RFC3: variants seen among roughly 807,000 people sequenced by gnomAD.
RFC3 encodes the protein replication factor C subunit 3.
Under a neutral mutation model 45.1 loss-of-function variants are expected in RFC3, and 41 were observed. The observed-to-expected ratio is 0.91, with a 90% confidence interval of 0.71 to 1.18. RFC3 has a LOEUF of 1.18. RFC3 is among the 50% of genes most tolerant of loss of function. The probability of loss-of-function intolerance (pLI) is 0.00; values close to 1 mark genes in which losing one functional copy is unlikely to be tolerated. For missense variants in RFC3, 423 were observed against 428.1 expected, an observed-to-expected ratio of 0.99 and a Z score of 0.10; for synonymous variants, 149 against 144.0, an observed-to-expected ratio of 1.03 and a Z score of -0.25.
At chr13:33,929,065 A>G (rs2082835375) in intron 8 of RFC3, among the ~76,000 whole-genome samples, 2 of 152,140 alleles carry the variant, frequency 1.3e-5, no homozygotes, top group Non-Finnish European at 2.9e-5. Context: ...GAAACCATAG[A>G]TTAAAAGGAT....
chr13:33,850,087 C>G (rs1244430930), intron 8 of RFC3: 1 of 152,100 alleles, frequency 6.6e-6, no homozygotes, highest in African/African-American at 2.4e-5. Flanking sequence ...AAAACATTAA[C>G]TTCTTGATTT....
At chr13:33,905,441 C>T (rs941123954) in intron 8 of RFC3, among the ~76,000 whole-genome samples, 7 of 151,528 alleles carry the variant, frequency 4.6e-5, no homozygotes, top group Non-Finnish European at 1.0e-4. Context: ...TTCTTGCATG[C>T]ATGAGTGTCA....
chr13:33,828,593 G>A (rs1282353940), intron 4 of RFC3, among the ~76,000 whole-genome samples: 1 of 152,150 alleles, frequency 6.6e-6, no homozygotes, highest in Non-Finnish European at 1.5e-5. Flanking sequence ...GGAGTGCAGC[G>A]GTGCCATCAG....
chr13:33,928,389 C>T (rs2082829391), intron 8 of RFC3, among the ~76,000 whole-genome samples: 1 of 152,074 alleles, frequency 6.6e-6, no homozygotes. Flanking sequence ...CTAAATTTTC[C>T]AATCAAGTTG....
rs74502978 is a variant in RFC3, at chr13:33,883,903, T to G, written c.879+48686T>G. On this transcript the variant is annotated intron_variant, in intron 8 of 8. Transcript: ENST00000434425. ...TCCACATGACACACGTTTACGTATG[T>G]AACAAACCCGCACTTGTACCCCTGA... Among the ~76,000 whole-genome samples the G allele has an allele frequency of 5.3e-5, 8 of 152,120 alleles. No homozygotes were observed. The East Asian group carries it at 1.2e-3, about 22-fold the overall frequency.
chr13:33,826,939 G>A (rs1371115223), intron 4 of RFC3, among the ~76,000 whole-genome samples: 2 of 152,088 alleles, frequency 1.3e-5, no homozygotes, highest in Admixed American at 1.3e-4. Flanking sequence ...ATAATTAATT[G>A]CTGGATTTTG....
chr13:33,933,223 A>G (rs957315572), intron 8 of RFC3, among the ~76,000 whole-genome samples: 2 of 152,094 alleles, frequency 1.3e-5, no homozygotes, highest in African/African-American at 4.8e-5. Context: ...GATGCAGAAT[A>G]TGGACCTCAG....
intron 8 of RFC3, among the ~76,000 whole-genome samples, chr13:33,959,743 T>C (rs1303919466): frequency 6.6e-6 from 1 of 152,158 alleles, no homozygotes; most frequent in Non-Finnish European, 1.5e-5. Flanking sequence ...GCTTTATACC[T>C]TGCACCCATT....
At position 33,836,900 on chromosome 13, in the gene RFC3, G is replaced by GT. The variant is rs2082159960; in HGVS notation, c.*606dup. 1.0e-6 allele frequency: 1 copy of GT among 984,480 alleles called. No individual in the cohort carries two copies. Among genetic ancestry groups the GT allele is most frequent in the Non-Finnish European group, 1.2e-6 (1 of 829,260 alleles). The allele number at this position is 984,480 out of a possible 1,614,324, so 61.0% of individuals were successfully genotyped here. A position where few individuals can be genotyped will look rare whatever the true frequency, so the allele number is the denominator to read the frequency against. ...AATAAGCATGTTTTCACTAATTTAA[G>GT]TACTTGAGACTCTTGAAGAAAATTC... On this transcript the variant is annotated 3_prime_UTR_variant, in exon 9 of 9. Transcript: ENST00000380071.
chr13:33,969,089 A>G (rs2083100345), downstream of RFC3, among the ~76,000 whole-genome samples: 1 of 152,228 alleles, frequency 6.6e-6, no homozygotes, highest in Non-Finnish European at 1.5e-5. Context: ...AACAAATGAG[A>G]TCTGACAAGT....
chr13:33,860,718 C>T (rs890683368), intron 8 of RFC3, among the ~76,000 whole-genome samples: 1 of 152,154 alleles, frequency 6.6e-6, no homozygotes, highest in Admixed American at 6.5e-5. Flanking sequence ...CAGCATGAGT[C>T]CCTGTCATGA....
intron 8 of RFC3, among the ~76,000 whole-genome samples, chr13:33,925,158 A>G (rs1268507355): frequency 4.1e-5 from 6 of 146,056 alleles, no homozygotes; most frequent in African/African-American, 1.5e-4. Context: ...ATATACATAC[A>G]CATATAGTGT....
downstream of RFC3, among the ~76,000 whole-genome samples, chr13:33,966,783 G>A (rs937801850): frequency 2.0e-5 from 3 of 152,160 alleles, no homozygotes; most frequent in African/African-American, 7.2e-5. Context: ...TTCTATAGCA[G>A]CAAGGATACA....
chr13:33,867,843 G>A (rs994808665), intron 8 of RFC3, among the ~76,000 whole-genome samples: 1 of 152,112 alleles, frequency 6.6e-6, no homozygotes, highest in East Asian at 1.9e-4. Context: ...TCTTTACCAC[G>A]TTATGTATAC....
chr13:33,859,507 T>C lies in RFC3; in HGVS notation c.879+24290T>C, dbSNP rs756256900. ...AGAGAACAGTATATAAAAGTGACTA[T>C]GTATAGAGATGACAAGTTTAGAAGT... is the stretch of plus-strand genomic sequence containing the variant. On this transcript the variant is annotated intron_variant, in intron 8 of 8. Coordinates refer to the RFC3 transcript ENST00000434425. Among the ~76,000 whole-genome samples, 96 of 152,122 alleles carry C rather than the reference T, an allele frequency of 6.3e-4. 1 individual carries two copies. Among genetic ancestry groups the C allele is most frequent in the Admixed American group, 3.3e-4 (5 of 15,232 alleles).
At chr13:33,866,062 AAAAAC>A (rs1220844856) in intron 8 of RFC3, among the ~76,000 whole-genome samples, 2 of 152,218 alleles carry the variant, frequency 1.3e-5, no homozygotes, top group African/African-American at 2.4e-5. Context: ...CCATCTCAAA[AAAAAC>A]AAAACAAAAT....
At chr13:33,921,726 A>G (rs899286135) in intron 8 of RFC3, among the ~76,000 whole-genome samples, 1 of 151,786 alleles carries the variant, frequency 6.6e-6, no homozygotes, top group African/African-American at 2.4e-5. Context: ...GAACAAAGAC[A>G]CCCTCTGGGG....
chr13:33,829,620 T>G, intron 4 of RFC3: 1 of 555,994 alleles, frequency 1.8e-6, no homozygotes, highest in Non-Finnish European at 3.2e-6. Flanking sequence ...AGGCAAAATA[T>G]TTATATGATC....
At chr13:33,933,400 T>G (rs1442879630) in intron 8 of RFC3, among the ~76,000 whole-genome samples, 1 of 152,162 alleles carries the variant, frequency 6.6e-6, no homozygotes, top group Non-Finnish European at 1.5e-5. Context: ...AAGAACTTAT[T>G]ATTGGCTTAG....
Sources: gnomAD v4.1 joint callset for allele counts (sites outside exome capture counted in the v4.1 genomes callset) on GRCh38, gnomAD v4.1.1 for gene constraint, MANE v1.5 for transcripts, NCBI Gene and HGNC (gene_info 2026-07-23, HGNC 2026-07-21) for gene names.